The following SNTG1 variants were observed in gnomAD, a reference collection of about 807,000 sequenced individuals.
SNTG1 encodes the protein syntrophin gamma 1, also known as gamma-1-syntrophin.
A neutral mutation model predicts 74.7 loss-of-function variants in SNTG1; 39 were observed. That is an observed-to-expected ratio of 0.52 (90% confidence interval 0.40 to 0.68). The LOEUF (loss-of-function observed/expected upper bound fraction) is 0.68, where lower values mean the gene tolerates loss of function less well. SNTG1 is among the 30% of genes least tolerant of loss of function. The probability of loss-of-function intolerance (pLI) is 0.00; values close to 1 mark genes in which losing one functional copy is unlikely to be tolerated. For missense variants in SNTG1, 685 were observed against 609.5 expected, an observed-to-expected ratio of 1.12 and a Z score of -1.30; for synonymous variants, 254 against 217.1, an observed-to-expected ratio of 1.17 and a Z score of -1.49.
intron 2 of SNTG1, among the ~76,000 whole-genome samples, chr8:50,317,547 G>T (rs1344232812): frequency 1.3e-5 from 2 of 152,190 alleles, no homozygotes; most frequent in African/African-American, 4.8e-5. Flanking sequence ...GACTGAAACA[G>T]GATGATGGTG....
chr8:50,179,982 C>A (rs2083142381), intron 2 of SNTG1, among the ~76,000 whole-genome samples: 1 of 152,186 alleles, frequency 6.6e-6, no homozygotes, highest in Admixed American at 6.5e-5. Context: ...CTGCATTTGT[C>A]TTTTCTTTGT....
chr8:50,608,943 C>T (rs536902816), intron 13 of SNTG1, among the ~76,000 whole-genome samples: 2 of 152,010 alleles, frequency 1.3e-5, no homozygotes, highest in African/African-American at 4.8e-5. Context: ...CAATTTTATA[C>T]TGATTTAATT....
At position 50,072,956 on chromosome 8, in the gene SNTG1, C is replaced by A. The variant is rs148916458; in HGVS notation, c.-102-99605C>A. Among the ~76,000 whole-genome samples, 534 of 152,200 alleles carry A rather than the reference C, an allele frequency of 3.5e-3. 4 individuals carry two copies. The highest frequency in any genetic ancestry group is 0.012 in the African/African-American group (515 of 41,532). ...CATTTGAGCCTTCAGTGAGTTATAA[C>A]ATTTATACCAGTGGAGGGTCAGGCC... On this transcript the variant is annotated intron_variant, in intron 1 of 18. Coordinates refer to ENST00000642720, the MANE Select transcript of SNTG1 (RefSeq NM_018967.5).
At chr8:50,134,421 G>A (rs2081407081) in intron 1 of SNTG1, among the ~76,000 whole-genome samples, 2 of 152,134 alleles carry the variant, frequency 1.3e-5, no homozygotes, top group Non-Finnish European at 2.9e-5. Context: ...GAGAGGGAAT[G>A]TAATTGCTGA....
chr8:49,990,814 A>G (rs1262057555), intron 1 of SNTG1, among the ~76,000 whole-genome samples: 2 of 152,182 alleles, frequency 1.3e-5, no homozygotes. Flanking sequence ...AAGCATAAAT[A>G]AGGCCTAAAA....
intron 17 of SNTG1, among the ~76,000 whole-genome samples, chr8:50,712,548 T>G (rs758089770): frequency 3.9e-5 from 6 of 152,218 alleles, no homozygotes; most frequent in Non-Finnish European, 8.8e-5. Flanking sequence ...GCATGTTTGT[T>G]ACATAGGTAT....
intron 1 of SNTG1, among the ~76,000 whole-genome samples, chr8:50,029,856 A>T (rs1239830362): frequency 6.6e-6 from 1 of 152,034 alleles, no homozygotes; most frequent in East Asian, 1.9e-4. Flanking sequence ...TCTTTTGTGT[A>T]TATACCCAGC....
chr8:50,709,821 T>C (rs2095456660), intron 17 of SNTG1, among the ~76,000 whole-genome samples: 1 of 152,200 alleles, frequency 6.6e-6, no homozygotes, highest in South Asian at 2.1e-4. Context: ...ATTTCCTCCT[T>C]CATCAAAGTA....
At chr8:50,386,195 A>G (rs1484572741) in intron 2 of SNTG1, among the ~76,000 whole-genome samples, 1 of 152,080 alleles carries the variant, frequency 6.6e-6, no homozygotes, top group Non-Finnish European at 1.5e-5. Flanking sequence ...AAAACATACA[A>G]TGTGTTCACA....
intron 1 of SNTG1, among the ~76,000 whole-genome samples, chr8:50,161,824 G>C (rs1478495677): frequency 1.3e-5 from 2 of 151,942 alleles, no homozygotes; most frequent in Non-Finnish European, 2.9e-5. Flanking sequence ...ATATTTAAGG[G>C]GCAAAAGGAA....
At chr8:49,922,113 T>C (rs572755789) in intron 1 of SNTG1, among the ~76,000 whole-genome samples, 12 of 152,120 alleles carry the variant, frequency 7.9e-5, no homozygotes, top group Non-Finnish European at 1.6e-4. Context: ...ACTTTGTTAG[T>C]AGACTTTATA....
intron 2 of SNTG1, among the ~76,000 whole-genome samples, chr8:50,302,720 T>C (rs1275575753): frequency 6.6e-6 from 1 of 151,816 alleles, no homozygotes; most frequent in East Asian, 1.9e-4. Context: ...CTCTCATAAA[T>C]GATGCCTTTC....
At chr8:50,652,644 A>C (rs2095154677) in intron 13 of SNTG1, among the ~76,000 whole-genome samples, 1 of 151,972 alleles carries the variant, frequency 6.6e-6, no homozygotes. Flanking sequence ...TAAAAATATA[A>C]AAATTAGCCG....
intron 15 of SNTG1, among the ~76,000 whole-genome samples, chr8:50,681,307 T>A (rs1256679836): frequency 6.6e-6 from 1 of 152,102 alleles, no homozygotes; most frequent in Non-Finnish European, 1.5e-5. Context: ...TAAATGTCAT[T>A]TATGGAAGAG....
At position 50,124,660 on chromosome 8, in the gene SNTG1, A is replaced by T. The variant is rs1195732621; in HGVS notation, c.-102-47901A>T. Among the ~76,000 whole-genome samples the T allele has an allele frequency of 4.2e-5, 6 of 141,756 alleles. No individual in the cohort carries two copies. The East Asian group carries it at 1.2e-3, about 29-fold the overall frequency. The allele number at this position is 141,756 out of a possible 152,430, so 93.0% of individuals were successfully genotyped here. ...TTATAAATTATTGATATAGCTTCAAATTATTGGTGAATAAGACAGAAAATG... is the reference window on the plus strand; with the variant it reads ...TTATAAATTATTGATATAGCTTCAATTTATTGGTGAATAAGACAGAAAATG... On this transcript the variant is annotated intron_variant, in intron 1 of 18. Coordinates refer to ENST00000642720, the MANE Select transcript of SNTG1 (RefSeq NM_018967.5).
chr8:50,578,580 ATGT>A (rs963780806), intron 12 of SNTG1, among the ~76,000 whole-genome samples: 11 of 152,146 alleles, frequency 7.2e-5, no homozygotes, highest in Admixed American at 3.9e-4. Flanking sequence ...TAATGCCCAC[ATGT>A]TGTGGGAGGG....
At chr8:50,149,082 T>A (rs1170031923) in intron 1 of SNTG1, among the ~76,000 whole-genome samples, 1 of 152,240 alleles carries the variant, frequency 6.6e-6, no homozygotes, top group African/African-American at 2.4e-5. Context: ...CTCTTTATGA[T>A]CACCATTCTA....
intron 13 of SNTG1, among the ~76,000 whole-genome samples, chr8:50,623,880 C>CTT (rs145037329): frequency 6.6e-6 from 1 of 151,666 alleles, no homozygotes; most frequent in Non-Finnish European, 1.5e-5. Flanking sequence ...TTTATTATCT[C>CTT]TTTTTTTAAA....
At chr8:50,173,008 GAAGATGGTAACTGGAGTTACACA>G (rs2082865645) in intron 2 of SNTG1, among the ~76,000 whole-genome samples, 5 of 80,106 alleles carry the variant, frequency 6.2e-5, no homozygotes, top group South Asian at 5.5e-4. Context: ...GTCTCTTCAT[GAAGATGGTAACTGGAGTTACACA>G]TTTCAGTGAG....
Sources: allele counts gnomAD v4.1 joint callset (sites outside exome capture counted in the v4.1 genomes callset), GRCh38; gene constraint gnomAD v4.1.1; transcripts MANE v1.5; gene names NCBI Gene and HGNC (gene_info 2026-07-23, HGNC 2026-07-21).